The following GPC4 variants were observed in gnomAD, a reference collection of about 807,000 sequenced individuals.
The protein encoded by GPC4 is glypican 4.
GPC4 carries 10 observed loss-of-function variants against 35.0 expected under a neutral mutation model. That is an observed-to-expected ratio of 0.29 (90% CI 0.18 to 0.48). The LOEUF (loss-of-function observed/expected upper bound fraction) is 0.48, where lower values mean the gene tolerates loss of function less well. Among genes scored for constraint, GPC4 ranks in the 20% least tolerant of loss-of-function variants. The probability of loss-of-function intolerance (pLI) is 0.99; values close to 1 mark genes in which losing one functional copy is unlikely to be tolerated. For synonymous variants in GPC4, 167 were observed against 170.2 expected (o/e 0.98, Z 0.15); for missense variants, 322 against 451.3 (o/e 0.71, Z 2.60).
At chrX:133,371,038 C>T (rs944045458) in intron 1 of GPC4, among the ~76,000 whole-genome samples, 1 of 111,966 alleles carries the variant, frequency 8.9e-6, no homozygotes, top group Admixed American at 9.4e-5. Context: ...AGTTAATATG[C>T]GCGTCTCTGT....
Position 133,304,930 on chromosome X carries a change from CT to C in GPC4, c.1156-70del, listed in dbSNP as rs2068284457. The stretch of plus-strand genomic sequence containing the variant: ...AAGACAAAACTACCTACAAGTGTGC[CT>C]TCTGGCCATTTCCAAAGTATCTCCA... On this transcript the variant is annotated intron_variant, in intron 6 of 8. Transcript: ENST00000370828. 1.1e-5 allele frequency: 12 copies of C among 1,063,741 alleles called. No homozygotes were observed. In the Admixed American group the frequency reaches 2.5e-4, roughly 22 times the overall value. The allele number at this position is 1,063,741 out of a possible 1,213,427, so 87.7% of individuals were successfully genotyped here. A position where few individuals can be genotyped will look rare whatever the true frequency, so the allele number is the denominator to read the frequency against.
At chrX:133,305,991 T>C in intron 5 of GPC4, 33 bp downstream of exon 5, 5 of 1,210,124 alleles carry the variant, frequency 4.1e-6, no homozygotes, top group African/African-American at 1.7e-5. Context: ...GGGAGGTCCC[T>C]AGCTCCCCTT....
intron 1 of GPC4, among the ~76,000 whole-genome samples, chrX:133,382,267 A>G (rs2068663875): frequency 9.3e-6 from 1 of 107,662 alleles, no homozygotes; most frequent in Non-Finnish European, 1.9e-5. Flanking sequence ...TTTCTACTAA[A>G]AAATACAAAA....
chrX:133,364,701 G>A (rs2068582728), intron 1 of GPC4, among the ~76,000 whole-genome samples: 1 of 112,116 alleles, frequency 8.9e-6, no homozygotes, highest in African/African-American at 3.2e-5. Flanking sequence ...TAACTTTCAT[G>A]TGAATTACAT....
intron 1 of GPC4, among the ~76,000 whole-genome samples, chrX:133,340,764 T>C (rs2068463278): frequency 8.9e-6 from 1 of 111,862 alleles, no homozygotes; most frequent in Non-Finnish European, 1.9e-5. Context: ...ACTGCACATA[T>C]GCAAATAATT....
At chrX:133,403,533 T>C (rs2124182700) in intron 1 of GPC4, among the ~76,000 whole-genome samples, 1 of 111,540 alleles carries the variant, frequency 9.0e-6, no homozygotes, top group South Asian at 3.8e-4. Flanking sequence ...TTTAGAAGAA[T>C]AGAGTAAGAG....
At chrX:133,414,482 A>G (rs2068828832) in intron 1 of GPC4, 1 of 750,667 alleles carries the variant, frequency 1.3e-6, no homozygotes. Context: ...CACAGTCCTC[A>G]GGGGCTTCCC....
At position 133,377,710 on chromosome X, in the gene GPC4, C is replaced by A. The variant is rs371779511; in HGVS notation, c.160+37096G>T. 2.4e-4 allele frequency among the ~76,000 whole-genome samples: 27 copies of A among 110,302 alleles called. 3 individuals carry two copies. The East Asian group carries it at 4.3e-3, about 18-fold the overall frequency. ...CAGAACTATTATCTTATCCTCCCCC[C>A]CTTTAAACATGAATCCTGGAACAGA... On this transcript the variant is annotated intron_variant, in intron 1 of 8. Transcript: ENST00000370828.
chrX:133,408,317 T>G (rs2068798219), intron 1 of GPC4, among the ~76,000 whole-genome samples: 1 of 112,417 alleles, frequency 8.9e-6, no homozygotes, highest in Non-Finnish European at 1.9e-5. Context: ...TGTTAAAAGG[T>G]AACTGATGCA....
At chrX:133,330,459 AATTTG>A (rs753818797) in intron 2 of GPC4, among the ~76,000 whole-genome samples, 1 of 111,875 alleles carries the variant, frequency 8.9e-6, no homozygotes, top group Non-Finnish European at 1.9e-5. Context: ...GACAACCTGA[AATTTG>A]ATTTATCACT....
intron 1 of GPC4, among the ~76,000 whole-genome samples, chrX:133,392,309 T>C (rs149671319): frequency 0.014 from 1,375 of 101,271 alleles, 20 homozygotes; most frequent in African/African-American, 0.046. Context: ...ACAGTCAATC[T>C]GTTATTCCTA....
intron 1 of GPC4, among the ~76,000 whole-genome samples, chrX:133,409,701 G>C (rs954758906): frequency 1.8e-5 from 2 of 111,724 alleles, no homozygotes; most frequent in African/African-American, 6.5e-5. Context: ...CATAACCCTG[G>C]AGAGTTCAGA....
chrX:133,303,903 G>A (rs377096418), intron 7 of GPC4, among the ~76,000 whole-genome samples: 1 of 75,403 alleles, frequency 1.3e-5, no homozygotes, highest in Admixed American at 1.6e-4. Context: ...TACTCTGTTG[G>A]AGGAAGGAAG....
chrX:133,408,339 T>A (rs1248848119), intron 1 of GPC4, among the ~76,000 whole-genome samples: 1 of 112,431 alleles, frequency 8.9e-6, no homozygotes, highest in Non-Finnish European at 1.9e-5. Context: ...ACTGAACAGT[T>A]GCATGTGGTA....
intron 1 of GPC4, among the ~76,000 whole-genome samples, chrX:133,391,175 T>G (rs910681991): frequency 8.9e-6 from 1 of 112,240 alleles, no homozygotes; most frequent in Non-Finnish European, 1.9e-5. Flanking sequence ...CCTACGCTTA[T>G]GAGTTTGAGA....
At chrX:133,376,617 G>A (rs1287676526) in intron 1 of GPC4, among the ~76,000 whole-genome samples, 1 of 112,158 alleles carries the variant, frequency 8.9e-6, no homozygotes, top group East Asian at 2.8e-4. Flanking sequence ...GCACTGCAGT[G>A]GTTTATTGAA....
intron 1 of GPC4, among the ~76,000 whole-genome samples, chrX:133,388,952 C>CG (rs1556035322): frequency 2.4e-4 from 13 of 53,469 alleles, no homozygotes; most frequent in African/African-American, 8.8e-4. Context: ...TACCCATAGC[C>CG]TTTTTTTTTT....
At chrX:133,344,517 G>A (rs1264377013) in intron 1 of GPC4, among the ~76,000 whole-genome samples, 2 of 109,752 alleles carry the variant, frequency 1.8e-5, no homozygotes, top group Non-Finnish European at 3.8e-5. Flanking sequence ...GAGCCACCAC[G>A]CCCGGTGACT....
chrX:133,399,589 G>T lies in GPC4; in HGVS notation c.160+15217C>A, dbSNP rs756820546. On this transcript the variant is annotated intron_variant, in intron 1 of 8. Coordinates refer to ENST00000370828, the MANE Select transcript of GPC4 (RefSeq NM_001448.3). Reference sequence around the variant, plus strand: ...GAGCTCACCTGTACCAACCAATCAGGGCTCACTTGTATCAACCAATCAGGG... The same window carrying T: ...GAGCTCACCTGTACCAACCAATCAGTGCTCACTTGTATCAACCAATCAGGG... 1.5e-4 allele frequency among the ~76,000 whole-genome samples: 17 copies of T among 112,139 alleles called. No individual in the cohort carries two copies. In the East Asian group the frequency reaches 4.5e-3, roughly 30 times the overall value.
Sources: gnomAD v4.1 joint callset for allele counts (sites outside exome capture counted in the v4.1 genomes callset) on GRCh38, gnomAD v4.1.1 for gene constraint, MANE v1.5 for transcripts, NCBI Gene and HGNC (gene_info 2026-07-23, HGNC 2026-07-21) for gene names.